DIABLO: variants seen among roughly 807,000 people sequenced by gnomAD.
DIABLO encodes diablo IAP-binding mitochondrial protein, also known as diablo homolog, mitochondrial.
Under a neutral mutation model 31.7 loss-of-function variants are expected in DIABLO, and 32 were observed. That is an observed-to-expected ratio of 1.01 (90% confidence interval 0.76 to 1.35). The LOEUF (loss-of-function observed/expected upper bound fraction) is 1.35. DIABLO is among the 40% of genes most tolerant of loss of function. The probability of loss-of-function intolerance (pLI) is 0.00; values close to 1 mark genes in which losing one functional copy is unlikely to be tolerated. For synonymous variants in DIABLO, 132 were observed against 103.2 expected, an observed-to-expected ratio of 1.28 and a Z score of -1.69; for missense variants, 316 against 286.4, an observed-to-expected ratio of 1.10 and a Z score of -0.75.
chr12:122,216,841 C>T lies in DIABLO; in HGVS notation c.344G>A (p.Arg115Gln), dbSNP rs572542575. Residue 115 changes from arginine (R) to glutamine (Q), a missense_variant, in exon 4 of 6, where the codon CGA becomes CAA. Coordinates refer to ENST00000464942, the MANE Select transcript of DIABLO (RefSeq NM_001371333.1). ...KAVYTLTSLY[R>Q]QYTSLLGKMN... ...TTTCCCAAGTAAACTTGTATATTGT[C>T]GGTAAAGAGAAGTTAAGGTATAAAC... The T allele has an allele frequency of 1.9e-5, 31 of 1,613,872 alleles. No homozygotes were observed. The highest frequency in any genetic ancestry group is 3.3e-5 in the Admixed American group (2 of 60,006).
At chr12:122,218,934 A>T (rs1245767940) in intron 2 of DIABLO, among the ~76,000 whole-genome samples, 4 of 93,096 alleles carry the variant, frequency 4.3e-5, no homozygotes, top group East Asian at 2.7e-4. Context: ...GAGCAAGACT[A>T]AAAAAAAAAA....
At chr12:122,222,908 A>T (rs2136105995) in intron 2 of DIABLO, among the ~76,000 whole-genome samples, 1 of 152,134 alleles carries the variant, frequency 6.6e-6, no homozygotes, top group Non-Finnish European at 1.5e-5. Context: ...CAGGCCACAG[A>T]CCAGTACCAG....
chr12:122,215,883 G>GAAAAA (rs60645708), intron 5 of DIABLO, among the ~76,000 whole-genome samples: 1 of 94,242 alleles, frequency 1.1e-5, no homozygotes, highest in African/African-American at 3.6e-5. Context: ...TTTTATGAAG[G>GAAAAA]AAAAAAAAAA....
chr12:122,225,168 G>A (rs986723248), intron 1 of DIABLO: 2 of 265,530 alleles, frequency 7.5e-6, no homozygotes, highest in Non-Finnish European at 1.5e-5. Flanking sequence ...AGCCGAGAGC[G>A]CCCCACTGCA....
chr12:122,219,610 A>G (rs949386213), intron 2 of DIABLO, among the ~76,000 whole-genome samples: 4 of 152,008 alleles, frequency 2.6e-5, no homozygotes, highest in African/African-American at 7.2e-5. Context: ...TAATCCCAAT[A>G]GTTTGGGAGG....
chr12:122,213,557 G>A (rs976294054), intron 5 of DIABLO, among the ~76,000 whole-genome samples: 7 of 150,478 alleles, frequency 4.7e-5, no homozygotes, highest in South Asian at 2.1e-4. Flanking sequence ...CTTTCTATGA[G>A]TTCTAGGAAA....
At position 122,224,503 on chromosome 12, in the gene DIABLO, C is replaced by CG; in HGVS notation, c.183+8dup. 1 of 1,613,798 alleles carries CG rather than the reference C, an allele frequency of 6.2e-7. No homozygotes were observed. The highest frequency in any genetic ancestry group is 1.7e-5 in the Admixed American group (1 of 59,936). ...TACACTAGATAAGAATCACTGCACA[C>CG]GACAGTACCTGTGCAATAGGAACCG... On this transcript the variant is annotated intron_variant, in intron 2 of 5. Transcript: ENST00000464942.
chr12:122,218,934 A>G (rs1245767940), intron 2 of DIABLO, among the ~76,000 whole-genome samples: 8 of 93,096 alleles, frequency 8.6e-5, no homozygotes, highest in South Asian at 3.5e-4. Context: ...GAGCAAGACT[A>G]AAAAAAAAAA....
rs1379132521 is a variant in DIABLO at position 122,224,374 on chromosome 12, TGAAAAGATGC to T, written c.183+128_183+137del. ...GAATATTAATATATCTGCTCAACTG[TGAAAAGATGC>T]CGGTACTGTGGGGGAAGGGATGGGA... On this transcript the variant is annotated intron_variant, in intron 2 of 5. Coordinates refer to ENST00000464942, the MANE Select transcript of DIABLO (RefSeq NM_001371333.1). 14 of 1,292,422 alleles carry T rather than the reference TGAAAAGATGC, an allele frequency of 1.1e-5. No homozygotes were observed. In the African/African-American group the frequency reaches 2.0e-4, roughly 19 times the overall value. 80.1% of individuals were successfully genotyped at this position (1,292,422 alleles called of 1,614,324 possible). A position where few individuals can be genotyped will look rare whatever the true frequency, so the allele number is the denominator to read the frequency against.
chr12:122,218,479 T>A, intron 2 of DIABLO, 82 bp from the exon 3 acceptor site: 2 of 1,574,352 alleles, frequency 1.3e-6, no homozygotes, highest in Non-Finnish European at 1.7e-6. Flanking sequence ...AAAAACGTAA[T>A]TGTCATGCTG....
At chr12:122,212,678 G>A (rs1954114563) in intron 5 of DIABLO, among the ~76,000 whole-genome samples, 1 of 150,562 alleles carries the variant, frequency 6.6e-6, no homozygotes, top group South Asian at 2.1e-4. Flanking sequence ...AGGGTGGAGT[G>A]CAGTGGTGTG....
intron 5 of DIABLO, among the ~76,000 whole-genome samples, chr12:122,213,889 G>C (rs547041823): frequency 6.6e-6 from 1 of 151,928 alleles, no homozygotes; most frequent in African/African-American, 2.4e-5. Context: ...ATTCAAGACC[G>C]GTCTGGCCAA....
upstream of DIABLO, chr12:122,226,340 T>A: frequency 1.6e-6 from 1 of 637,040 alleles, no homozygotes; most frequent in Non-Finnish European, 2.7e-6. Context: ...GGCCAGGGCT[T>A]GAAGGGAATT....
chr12:122,215,972 C>G (rs935041998), intron 5 of DIABLO, among the ~76,000 whole-genome samples: 1 of 149,438 alleles, frequency 6.7e-6, no homozygotes, highest in Non-Finnish European at 1.5e-5. Flanking sequence ...GCCGAATGAT[C>G]TGGCCCATCT....
Position 122,208,448 on chromosome 12 carries a change from T to C in DIABLO, c.653A>G (p.Gln218Arg). 3 of 1,614,116 alleles carry C rather than the reference T, an allele frequency of 1.9e-6. No individual in the cohort carries two copies. The South Asian group carries it at 3.3e-5, about 18-fold the overall frequency. Residue 218 changes from glutamine to arginine, a missense_variant, in exon 6 of 6, where the codon CAG (glutamine) becomes CGG (arginine). By Grantham distance (43) the Gln-to-Arg change is conservative (BLOSUM62 1). Transcript: ENST00000464942. ...LAEAQIEELR[Q>R]KTQEEGEERA... ...CTCCTCCCCTTCCTCCTGTGTTTTC[T>C]GACGGAGCTCTTCTATCTGTGCTTC...
rs900802469 is a variant in DIABLO at position 122,215,765 on chromosome 12, C to T, written c.523+723G>A. The stretch of plus-strand genomic sequence containing the variant: ...CTTTGGAATTCGACCTACTTGGCTC[C>T]GTGGCTCATGCCTATAATCCCAGCA... On this transcript the variant is annotated intron_variant, in intron 5 of 5. Coordinates refer to ENST00000464942, the MANE Select transcript of DIABLO (RefSeq NM_001371333.1). 6.6e-4 allele frequency among the ~76,000 whole-genome samples: 95 copies of T among 143,162 alleles called. 1 individual carries two copies. The highest frequency in any genetic ancestry group is 4.2e-3 in the Middle Eastern group (1 of 240). The allele number at this position is 143,162 out of a possible 152,430, so 93.9% of individuals were successfully genotyped here. A position where few individuals can be genotyped will look rare whatever the true frequency, so the allele number is the denominator to read the frequency against.
At chr12:122,209,611 G>A in intron 5 of DIABLO, 1 of 611,328 alleles carries the variant, frequency 1.6e-6, no homozygotes, top group South Asian at 1.9e-5. Context: ...GTTGCAGTGA[G>A]CTGAGATCGC....
chr12:122,207,972 G>A lies in DIABLO; in HGVS notation c.*409C>T, dbSNP rs1416632943. 4 of 468,382 alleles carry A rather than the reference G, an allele frequency of 8.5e-6. No homozygotes were observed. The allele number at this position is 468,382 out of a possible 1,614,324, so 29.0% of individuals were successfully genotyped here. A position where few individuals can be genotyped will look rare whatever the true frequency, so the allele number is the denominator to read the frequency against. ...GGTTCCCCTCCCCCTGCCACAACTG[G>A]CATCCCAACAGAGGGAACAAGTACT... On this transcript the variant is annotated 3_prime_UTR_variant, in exon 6 of 6. Transcript: ENST00000464942.
chr12:122,213,730 G>A (rs183363420), intron 5 of DIABLO, among the ~76,000 whole-genome samples: 5 of 152,030 alleles, frequency 3.3e-5, no homozygotes, highest in Non-Finnish European at 7.4e-5. Context: ...CCACACTTCC[G>A]TTGTTTCATT....
Sources: gnomAD v4.1 joint callset for allele counts (sites outside exome capture counted in the v4.1 genomes callset) on GRCh38, gnomAD v4.1.1 for gene constraint, MANE v1.5 for transcripts, NCBI Gene and HGNC (gene_info 2026-07-23, HGNC 2026-07-21) for gene names.